The following MRTFB variants were observed in gnomAD, a reference collection of about 807,000 sequenced individuals.
MRTFB encodes the protein myocardin-related transcription factor B.
MRTFB carries 29 observed loss-of-function variants against 104.2 expected under a neutral mutation model. That is an observed-to-expected ratio of 0.28 (90% CI 0.21 to 0.38). MRTFB has a LOEUF of 0.38. Among genes scored for constraint, MRTFB ranks in the 10% least tolerant of loss-of-function variants. The pLI is 1.00. For synonymous variants in MRTFB, 535 were observed against 519.5 expected (o/e 1.03, Z -0.41); for missense variants, 1,270 against 1,341.6 (o/e 0.95, Z 0.83).
chr16:14,105,208 A>G (rs1444094936), intron 2 of MRTFB, among the ~76,000 whole-genome samples: 2 of 152,194 alleles, frequency 1.3e-5, no homozygotes, highest in Admixed American at 1.3e-4. Flanking sequence ...GGCCTTGGGA[A>G]GTTCTCATAC....
In MRTFB at chr16:14,217,156, C is replaced by T. The variant is rs1339449609; in HGVS notation, c.383C>T (p.Thr128Ile). ...TTTGCAGAGCCATCCCTGCAGGCTACTCAGATGAAGTTGAAAAGAGCTCGA... is the reference window on the plus strand; with the variant it reads ...TTTGCAGAGCCATCCCTGCAGGCTATTCAGATGAAGTTGAAAAGAGCTCGA... ...ETFAEPSLQA[T>I]QMKLKRARLA... The change falls in exon 7 of 17, where the codon ACT (threonine) becomes ATT (isoleucine). Residue 128 changes from threonine to isoleucine, a missense_variant. Transcript: ENST00000571589. The T allele has an allele frequency of 6.2e-7, 1 of 1,613,614 alleles. No individual in the cohort carries two copies. Among genetic ancestry groups the T allele is most frequent in the Non-Finnish European group, 8.5e-7 (1 of 1,179,782 alleles).
At chr16:13,997,457 G>A in the MRTFB span, among the ~76,000 whole-genome samples, 1 of 152,298 alleles carries the variant, frequency 6.6e-6, no homozygotes, top group Admixed American at 6.5e-5. Context: ...CAAGAAAAAT[G>A]TAAGAAATTG....
the MRTFB span, among the ~76,000 whole-genome samples, chr16:13,997,104 G>T: frequency 1.3e-5 from 2 of 152,220 alleles, no homozygotes; most frequent in South Asian, 2.1e-4. Context: ...ATCATTTTCA[G>T]ACGTTTGCCT....
chr16:14,053,729 CA>C, the MRTFB span, among the ~76,000 whole-genome samples: 2,274 of 97,474 alleles, frequency 0.023, 26 homozygotes, highest in Middle Eastern at 0.058. Context: ...GACTCCATCT[CA>C]AAAAAAAAAA....
At chr16:14,252,633 T>A in intron 15 of MRTFB, 131 bp downstream of exon 15, 9 of 1,096,892 alleles carry the variant, frequency 8.2e-6, no homozygotes, top group Non-Finnish European at 1.1e-5. Context: ...TAACCTTGTA[T>A]TTTACATGGT....
intron 9 of MRTFB, among the ~76,000 whole-genome samples, chr16:14,235,693 GC>G (rs2042466850): frequency 1.3e-5 from 2 of 152,266 alleles, no homozygotes; most frequent in South Asian, 4.1e-4. Context: ...ACTTGTGGGG[GC>G]TGATAGGTAG....
chr16:14,129,372 G>A (rs1159685507), intron 2 of MRTFB, among the ~76,000 whole-genome samples: 4 of 152,032 alleles, frequency 2.6e-5, no homozygotes, highest in African/African-American at 7.3e-5. Flanking sequence ...AATTTCATCC[G>A]TGTTGTATGA....
chr16:14,093,859 G>A (rs144785426), intron 2 of MRTFB, among the ~76,000 whole-genome samples: 140 of 152,294 alleles, frequency 9.2e-4, no homozygotes, highest in African/African-American at 3.2e-3. Flanking sequence ...TTACAGAGCT[G>A]AAGTTTTTAA....
At chr16:14,031,576 T>C in the MRTFB span, among the ~76,000 whole-genome samples, 8 of 152,016 alleles carry the variant, frequency 5.3e-5, no homozygotes, top group Admixed American at 4.6e-4. Flanking sequence ...CAAGCGTAAG[T>C]GGATTGGATA....
intron 2 of MRTFB, among the ~76,000 whole-genome samples, chr16:14,127,599 T>C (rs1474900683): frequency 6.8e-6 from 1 of 147,108 alleles, no homozygotes; most frequent in African/African-American, 2.5e-5. Context: ...GCCGAGATCA[T>C]GCCACTGCAC....
rs2043817380 is a variant in MRTFB, at chr16:14,262,674, T to C, written c.*1230T>C. ...AAAAACTGGAGGCTTTATTAGTGTT[T>C]TTATATAGAAAACAGTTATTACATA... On this transcript the variant is annotated 3_prime_UTR_variant, in exon 17 of 17. Transcript: ENST00000571589. The C allele has an allele frequency of 2.0e-5, 3 of 152,382 alleles. No homozygotes were observed. In the South Asian group the frequency reaches 6.2e-4, roughly 32 times the overall value. The allele number at this position is 152,382 out of a possible 1,614,324, so 9.4% of individuals were successfully genotyped here. A position where few individuals can be genotyped will look rare whatever the true frequency, so the allele number is the denominator to read the frequency against.
At chr16:14,243,732 G>A (rs758977276) in intron 10 of MRTFB, among the ~76,000 whole-genome samples, 1 of 152,018 alleles carries the variant, frequency 6.6e-6, no homozygotes, top group Non-Finnish European at 1.5e-5. Context: ...GAAAATTGAT[G>A]CAAAAATAAA....
At chr16:14,041,434 G>A in the MRTFB span, among the ~76,000 whole-genome samples, 1 of 152,152 alleles carries the variant, frequency 6.6e-6, no homozygotes, top group South Asian at 2.1e-4. Flanking sequence ...GAATCATACA[G>A]TATTTGTCTT....
chr16:14,238,609 C>T (rs962540752), intron 9 of MRTFB, among the ~76,000 whole-genome samples: 1 of 151,992 alleles, frequency 6.6e-6, no homozygotes, highest in South Asian at 2.1e-4. Context: ...GCAATGAAGT[C>T]GAGGAACTAA....
chr16:14,037,678 C>A, the MRTFB span, among the ~76,000 whole-genome samples: 1 of 152,056 alleles, frequency 6.6e-6, no homozygotes, highest in Non-Finnish European at 1.5e-5. Context: ...GGTAAATCTG[C>A]AAAGAAAAGG....
At chr16:14,144,998 A>G (rs1003839933) in intron 3 of MRTFB, among the ~76,000 whole-genome samples, 69 of 104,230 alleles carry the variant, frequency 6.6e-4, no homozygotes, top group African/African-American at 4.1e-3. Context: ...ATATATATGT[A>G]TATATATATA....
chr16:14,127,919 ATATATATATATTTTTTTTTTT>A (rs1567355710), intron 2 of MRTFB, among the ~76,000 whole-genome samples: 1 of 39,318 alleles, frequency 2.5e-5, no homozygotes, highest in African/African-American at 2.2e-4. Context: ...ATATATATAT[ATATATATATATTTTTTTTTTT>A]TTTTTTTTTT....
intron 10 of MRTFB, chr16:14,241,209 C>G (rs149151522): frequency 6.2e-6 from 1 of 161,482 alleles, no homozygotes; most frequent in South Asian, 2.0e-4. Context: ...GTTGAAGGGA[C>G]GTCTGGAGAC....
At chr16:14,106,095 T>G (rs2035960428) in intron 2 of MRTFB, among the ~76,000 whole-genome samples, 1 of 152,188 alleles carries the variant, frequency 6.6e-6, no homozygotes, top group Admixed American at 6.5e-5. Flanking sequence ...TGTACACTTG[T>G]GTGTGTGGTA....
Sources: allele counts gnomAD v4.1 joint callset (sites outside exome capture counted in the v4.1 genomes callset), GRCh38; gene constraint gnomAD v4.1.1; transcripts MANE v1.5; gene names NCBI Gene and HGNC (gene_info 2026-07-23, HGNC 2026-07-21).